The following FAM91A1 variants were observed in gnomAD, a reference collection of about 807,000 sequenced individuals.
FAM91A1 encodes the protein family with sequence similarity 91 member A1.
A neutral mutation model predicts 113.5 loss-of-function variants in FAM91A1; 41 were observed. The observed-to-expected ratio is 0.36, with a 90% CI of 0.28 to 0.47. The LOEUF (loss-of-function observed/expected upper bound fraction) is 0.47, where lower values mean the gene tolerates loss of function less well. FAM91A1 is among the 20% of genes least tolerant of loss of function. The pLI, the probability that FAM91A1 is intolerant of heterozygous loss-of-function variation, is 1.00. For synonymous variants in FAM91A1, 307 were observed against 347.9 expected (o/e 0.88, Z 1.31); for missense variants, 696 against 1,001.2 (o/e 0.70, Z 4.11).
chr8:123,788,176 T>C (rs1465359614), intron 14 of FAM91A1: 1 of 984,700 alleles, frequency 1.0e-6, no homozygotes, highest in Non-Finnish European at 1.2e-6. Flanking sequence ...ATCATATTTA[T>C]GTCCGCTCTC....
intron 23 of FAM91A1, chr8:123,811,199 G>A (rs1815945266): frequency 6.6e-6 from 1 of 152,224 alleles, no homozygotes; most frequent in Admixed American, 6.5e-5. Context: ...GAAGCCCAGT[G>A]TGGCAGAAAC....
intron 18 of FAM91A1, among the ~76,000 whole-genome samples, chr8:123,802,326 TATCTG>T (rs1244159477): frequency 2.0e-5 from 3 of 152,212 alleles, no homozygotes; most frequent in Non-Finnish European, 4.4e-5. Context: ...ATTGATCAGA[TATCTG>T]AGAGAGATGG....
chr8:123,807,497 A>G (rs965657855), intron 20 of FAM91A1, among the ~76,000 whole-genome samples: 8 of 151,630 alleles, frequency 5.3e-5, no homozygotes, highest in Non-Finnish European at 1.0e-4. Context: ...AAAAAAAAAA[A>G]AAAAAGAAAC....
rs758304951 is a variant in FAM91A1, at chr8:123,799,665, G to A, written c.1695+11G>A. On this transcript the variant is annotated intron_variant, in intron 17 of 23. Coordinates refer to ENST00000334705, the MANE Select transcript of FAM91A1 (RefSeq NM_144963.4). ...CCAGATATATTTCAGGTATGTGTGG[G>A]AGGTTTGGGTGGTTTTTTTATGTGT... The A allele has an allele frequency of 4.3e-6, 7 of 1,613,456 alleles. No homozygotes were observed. The highest frequency in any genetic ancestry group is 1.1e-5 in the South Asian group (1 of 90,876).
intron 3 of FAM91A1, among the ~76,000 whole-genome samples, chr8:123,775,651 T>G (rs895210408): frequency 6.6e-6 from 1 of 152,162 alleles, no homozygotes; most frequent in Non-Finnish European, 1.5e-5. Context: ...GTGACAGAAT[T>G]GAACATTATG....
intron 15 of FAM91A1, among the ~76,000 whole-genome samples, chr8:123,794,152 G>T (rs1258732863): frequency 6.6e-6 from 1 of 152,194 alleles, no homozygotes; most frequent in African/African-American, 2.4e-5. Context: ...GAACAACGTG[G>T]CTATGAATTG....
intron 8 of FAM91A1, 29 bp from the exon 9 acceptor site, chr8:123,784,441 C>A: frequency 6.6e-7 from 1 of 1,521,914 alleles, no homozygotes; most frequent in Non-Finnish European, 9.0e-7. Flanking sequence ...ATCTGTACCA[C>A]TGAGAAAAAT....
intron 5 of FAM91A1, 30 bp downstream of exon 5, chr8:123,778,122 TG>T (rs1815032889): frequency 3.9e-6 from 6 of 1,546,356 alleles, no homozygotes; most frequent in Non-Finnish European, 5.3e-6. Context: ...TTCATTGTTT[TG>T]GCCTCATCAC....
At chr8:123,787,856 A>G (rs1213729616) in intron 14 of FAM91A1, 106 bp downstream of exon 14, 2 of 845,398 alleles carry the variant, frequency 2.4e-6, no homozygotes, top group Non-Finnish European at 3.6e-6. Context: ...CTTTCAGTGT[A>G]TTCTTGCTCG....
chr8:123,797,220 C>T (rs1394335856), intron 15 of FAM91A1, among the ~76,000 whole-genome samples: 2 of 152,116 alleles, frequency 1.3e-5, no homozygotes, highest in Non-Finnish European at 2.9e-5. Context: ...GACCGTCTGG[C>T]AGGATTCTGA....
chr8:123,810,592 G>A, intron 23 of FAM91A1: 3 of 567,708 alleles, frequency 5.3e-6, no homozygotes, highest in Non-Finnish European at 9.2e-6. Context: ...ACAGAAATGT[G>A]TTAAGTGTCT....
At chr8:123,772,498 C>G (rs1047841612) in intron 1 of FAM91A1, among the ~76,000 whole-genome samples, 1 of 152,216 alleles carries the variant, frequency 6.6e-6, no homozygotes. Flanking sequence ...ATGAGATCTA[C>G]TCTTAACCCC....
At chr8:123,791,699 C>T (rs189834115) in intron 15 of FAM91A1, among the ~76,000 whole-genome samples, 11 of 152,256 alleles carry the variant, frequency 7.2e-5, no homozygotes, top group Admixed American at 1.3e-4. Context: ...AAATGATTGG[C>T]GTGACTATTT....
intron 12 of FAM91A1, among the ~76,000 whole-genome samples, chr8:123,786,860 C>T (rs530247080): frequency 7.2e-5 from 11 of 152,124 alleles, no homozygotes; most frequent in East Asian, 1.9e-4. Context: ...TACAACAACA[C>T]GGGCACCAAT....
Position 123,806,190 on chromosome 8 carries a change from C to T in FAM91A1, c.1993C>T (p.Leu665Phe). Residue 665 changes from leucine to phenylalanine, a missense_variant, in exon 20 of 24, where the codon CTT (leucine) becomes TTT (phenylalanine). By Grantham distance (22) the Leu-to-Phe change is conservative. Transcript: ENST00000334705. ...CACCATGTTGAATGCTTCCAGCCAA[C>T]TTGCAGATAGAAAACTCAGTGATGC... ...YVTMLNASSQ[L>F]ADRKLSDASD... is the part of the protein sequence containing the mutation. The T allele has an allele frequency of 1.2e-6, 2 of 1,613,310 alleles. No homozygotes were observed. Among genetic ancestry groups the T allele is most frequent in the Non-Finnish European group, 1.7e-6 (2 of 1,179,504 alleles).
chr8:123,798,242 A>G lies in FAM91A1; in HGVS notation c.1560+4A>G. 1 of 1,613,628 alleles carries G rather than the reference A, an allele frequency of 6.2e-7. No individual in the cohort carries two copies. Among genetic ancestry groups the G allele is most frequent in the South Asian group, 1.1e-5 (1 of 91,014 alleles). Reference sequence around the variant, plus strand: ...TGTCAGCAGCTGCACCCCTCAGGTAAAGACCTACTTGGAAGATCCACTTGG... The same window carrying G: ...TGTCAGCAGCTGCACCCCTCAGGTAGAGACCTACTTGGAAGATCCACTTGG... On this transcript the variant is annotated splice_donor_region_variant and intron_variant, in intron 16 of 23. Transcript: ENST00000334705.
At position 123,784,613 on chromosome 8, in the gene FAM91A1, A is replaced by G. The variant is rs746839447; in HGVS notation, c.810+37A>G. 18 of 1,461,540 alleles carry G rather than the reference A, an allele frequency of 1.2e-5. 1 individual carries two copies. Among genetic ancestry groups the G allele is most frequent in the Middle Eastern group, 1.7e-4 (1 of 5,750 alleles). The allele number at this position is 1,461,540 out of a possible 1,614,324, so 90.5% of individuals were successfully genotyped here. On this transcript the variant is annotated intron_variant, in intron 9 of 23. Coordinates refer to ENST00000334705, the MANE Select transcript of FAM91A1 (RefSeq NM_144963.4). ...AACGTCTCATGAAAATATAATCTCA[A>G]GATTGTAAGTTTGTGTAAAGTAAGT...
rs560998430 is a variant in FAM91A1, at chr8:123,811,547, A to G, written c.2332-972A>G. On this transcript the variant is annotated intron_variant, in intron 23 of 23. Coordinates refer to ENST00000334705, the MANE Select transcript of FAM91A1 (RefSeq NM_144963.4). ...TTTGGAGATAGGTTGATAAAACTTG[A>G]TGATGAATTAAATGTGAGGAAAAGA... is the stretch of plus-strand genomic sequence containing the variant. The G allele has an allele frequency of 5.3e-5, 8 of 151,560 alleles. No individual in the cohort carries two copies. The East Asian group carries it at 1.5e-3, about 29-fold the overall frequency. The allele number at this position is 151,560 out of a possible 1,614,324, so 9.4% of individuals were successfully genotyped here. A position where few individuals can be genotyped will look rare whatever the true frequency, so the allele number is the denominator to read the frequency against.
chr8:123,783,240 G>A (rs1481768674), intron 8 of FAM91A1, among the ~76,000 whole-genome samples: 3 of 152,036 alleles, frequency 2.0e-5, no homozygotes, highest in African/African-American at 4.8e-5. Context: ...TACAACCCAC[G>A]GAGTTAGGAG....
Sources: gnomAD v4.1 joint callset for allele counts (sites outside exome capture counted in the v4.1 genomes callset) on GRCh38, gnomAD v4.1.1 for gene constraint, MANE v1.5 for transcripts, NCBI Gene and HGNC (gene_info 2026-07-23, HGNC 2026-07-21) for gene names.